The following ANKRD30BL variants were observed in gnomAD, a reference collection of about 807,000 sequenced individuals.
ANKRD30BL encodes the protein ankyrin repeat domain 30B like, also known as putative ankyrin repeat domain-containing protein 30B-like.
Under a neutral mutation model 18.4 loss-of-function variants are expected in ANKRD30BL, and 20 were observed. That is an observed-to-expected ratio of 1.09 (90% confidence interval 0.77 to 1.58). The LOEUF (loss-of-function observed/expected upper bound fraction) is 1.58, where lower values mean the gene tolerates loss of function less well. Among genes scored for constraint, ANKRD30BL ranks in the 40% most tolerant of loss-of-function variants. ANKRD30BL has a pLI of 0.00. For synonymous variants in ANKRD30BL, 72 were observed against 100.9 expected (o/e 0.71, Z 1.72); for missense variants, 224 against 268.6 (o/e 0.83, Z 1.16).
intron 1 of ANKRD30BL, among the ~76,000 whole-genome samples, chr2:132,191,737 A>ATTTTT (rs777830399): frequency 4.5e-5 from 5 of 111,894 alleles, no homozygotes; most frequent in African/African-American, 1.1e-4. Flanking sequence ...ATGGAGTTTG[A>ATTTTT]TTTTTTTTTT....
chr2:132,193,204 A>C (rs1037806986), intron 1 of ANKRD30BL, among the ~76,000 whole-genome samples: 5 of 152,210 alleles, frequency 3.3e-5, no homozygotes, highest in African/African-American at 1.2e-4. Context: ...AGTCACTCAT[A>C]TGACCATGTT....
intron 1 of ANKRD30BL, among the ~76,000 whole-genome samples, chr2:132,248,803 G>A (rs796960979): frequency 1.8e-3 from 243 of 133,278 alleles, no homozygotes; most frequent in South Asian, 2.6e-3. Context: ...TTTCACCATA[G>A]GCCTCAGAGA....
intron 1 of ANKRD30BL, among the ~76,000 whole-genome samples, chr2:132,193,976 A>T (rs1678910174): frequency 1.3e-5 from 2 of 151,736 alleles, no homozygotes; most frequent in South Asian, 4.2e-4. Flanking sequence ...GGATGAATAC[A>T]CCCTGATTAG....
intron 1 of ANKRD30BL, among the ~76,000 whole-genome samples, chr2:132,236,803 C>G (rs528818081): frequency 2.8e-4 from 43 of 152,034 alleles, no homozygotes; most frequent in African/African-American, 1.0e-3. Context: ...ATAAATCATG[C>G]TGCTATAAAG....
At chr2:132,251,274 A>T (rs1680639859) in intron 1 of ANKRD30BL, among the ~76,000 whole-genome samples, 1 of 152,238 alleles carries the variant, frequency 6.6e-6, no homozygotes, top group African/African-American at 2.4e-5. Context: ...TGACATAGGT[A>T]CAATTCAGAA....
chr2:132,169,033 A>C (rs1688233384), intron 1 of ANKRD30BL, among the ~76,000 whole-genome samples: 1 of 152,044 alleles, frequency 6.6e-6, no homozygotes, highest in South Asian at 2.1e-4. Context: ...TCTTCTCTGC[A>C]CCTGTATTCC....
chr2:132,256,136 T>TA (rs1680827654), intron 1 of ANKRD30BL, among the ~76,000 whole-genome samples: 2 of 152,242 alleles, frequency 1.3e-5, no homozygotes, highest in South Asian at 2.1e-4. Context: ...CCTGCGTACT[T>TA]AGACATGTAT....
intron 1 of ANKRD30BL, among the ~76,000 whole-genome samples, chr2:132,188,608 G>A (rs931484092): frequency 8.5e-5 from 13 of 152,114 alleles, no homozygotes; most frequent in Admixed American, 6.5e-4. Flanking sequence ...TACTCAGGAG[G>A]TTGAGGCAGG....
At chr2:132,160,559 C>T (rs1372710026) in intron 1 of ANKRD30BL, among the ~76,000 whole-genome samples, 11 of 151,932 alleles carry the variant, frequency 7.2e-5, no homozygotes, top group African/African-American at 2.2e-4. Context: ...CTGACTCAGC[C>T]TCCCAAGTAT....
At chr2:132,216,460 C>T (rs528391415) in intron 1 of ANKRD30BL, among the ~76,000 whole-genome samples, 15 of 152,048 alleles carry the variant, frequency 9.9e-5, no homozygotes, top group African/African-American at 3.6e-4. Context: ...TGGAAACACT[C>T]TTTTTGTAGA....
At chr2:132,199,742 A>G (rs1290383003) in intron 1 of ANKRD30BL, among the ~76,000 whole-genome samples, 1 of 152,116 alleles carries the variant, frequency 6.6e-6, no homozygotes, top group Non-Finnish European at 1.5e-5. Context: ...TTTTGCATCT[A>G]TGGGATTGTT....
chr2:132,252,959 C>T (rs1680702324), intron 1 of ANKRD30BL, among the ~76,000 whole-genome samples: 1 of 152,092 alleles, frequency 6.6e-6, no homozygotes, highest in South Asian at 2.1e-4. Context: ...GCCGGGAGCC[C>T]CCCTTCCCCA....
chr2:132,217,726 C>T (rs531253646), intron 1 of ANKRD30BL, among the ~76,000 whole-genome samples: 90 of 152,396 alleles, frequency 5.9e-4, no homozygotes, highest in African/African-American at 2.1e-3. Context: ...GTAGAATCTG[C>T]ATGTGGATAT....
chr2:132,253,311 A>G (rs1680717270), intron 1 of ANKRD30BL: 2 of 152,806 alleles, frequency 1.3e-5, no homozygotes, highest in Admixed American at 1.3e-4. Context: ...AAGTCATACA[A>G]GGTTGATTTG....
intron 1 of ANKRD30BL, among the ~76,000 whole-genome samples, chr2:132,178,778 C>A (rs1431148461): frequency 6.6e-6 from 1 of 151,518 alleles, no homozygotes; most frequent in Non-Finnish European, 1.5e-5. Flanking sequence ...AAATTAAGAG[C>A]CTAAACTAGA....
At chr2:132,223,456 A>C (rs1022133713) in intron 1 of ANKRD30BL, among the ~76,000 whole-genome samples, 5 of 151,956 alleles carry the variant, frequency 3.3e-5, no homozygotes, top group Non-Finnish European at 7.4e-5. Context: ...ATATCTTCCC[A>C]TAGAAACTAG....
At position 132,147,873 on chromosome 2, in the gene ANKRD30BL, G is replaced by A. The variant is rs1011056689; in HGVS notation, c.*258C>T. 1.6e-5 allele frequency: 7 copies of A among 441,584 alleles called. No homozygotes were observed. Among genetic ancestry groups the A allele is most frequent in the African/African-American group, 1.4e-4 (7 of 48,678 alleles). The allele number at this position is 441,584 out of a possible 1,614,324, so 27.4% of individuals were successfully genotyped here. A position where few individuals can be genotyped will look rare whatever the true frequency, so the allele number is the denominator to read the frequency against. The stretch of plus-strand genomic sequence containing the variant: ...GTGTCTAAGGATGACTAAGGACAGA[G>A]CAGGTTACTAAGAATGACTAAAGAC... On this transcript the variant is annotated 3_prime_UTR_variant, in exon 6 of 6. Coordinates refer to ENST00000409867, the MANE Select transcript of ANKRD30BL (RefSeq NM_001358416.1).
At chr2:132,153,778 G>T in intron 4 of ANKRD30BL, 2 of 593,494 alleles carry the variant, frequency 3.4e-6, no homozygotes, top group South Asian at 3.4e-5. Context: ...CCATTTACAT[G>T]TATTAACAAA....
chr2:132,228,757 A>G (rs1333222506), intron 1 of ANKRD30BL, among the ~76,000 whole-genome samples: 3 of 144,856 alleles, frequency 2.1e-5, no homozygotes, highest in African/African-American at 8.6e-5. Context: ...CCTATGGTAG[A>G]AAAGGAAATA....
Sources: allele counts gnomAD v4.1 joint callset (sites outside exome capture counted in the v4.1 genomes callset), GRCh38; gene constraint gnomAD v4.1.1; transcripts MANE v1.5; gene names NCBI Gene and HGNC (gene_info 2026-07-23, HGNC 2026-07-21).